The following FAM83B variants were observed in gnomAD, a reference collection of about 807,000 sequenced individuals.
FAM83B encodes scaffolding CK1 anchoring protein B.
FAM83B carries 26 observed loss-of-function variants against 38.8 expected under a neutral mutation model. The ratio of observed to expected loss-of-function variants is 0.67; its 90% CI spans 0.49 to 0.93. The LOEUF is 0.93. Among genes scored for constraint, FAM83B ranks in the 40% least tolerant of loss-of-function variants. The pLI, the probability that FAM83B is intolerant of heterozygous loss-of-function variation, is 0.00. For synonymous variants in FAM83B, 419 were observed against 423.1 expected (o/e 0.99, Z 0.12); for missense variants, 1,237 against 1,197.3 (o/e 1.03, Z -0.49).
chr6:54,869,394 G>T (rs6459030), intron 1 of FAM83B, among the ~76,000 whole-genome samples: 138,888 of 152,244 alleles, frequency 0.91, 63,593 homozygotes, highest in East Asian at 1. Context: ...CTTTGTGTCC[G>T]TCCATTCTTG....
At chr6:54,888,209 T>C (rs35620314) in intron 2 of FAM83B, among the ~76,000 whole-genome samples, 19,957 of 151,864 alleles carry the variant, frequency 0.13, 1,565 homozygotes, top group African/African-American at 0.22. Flanking sequence ...ATTCTACTAA[T>C]GCCTCTCTTG....
chr6:54,867,776 A>G (rs1019703216), intron 1 of FAM83B, among the ~76,000 whole-genome samples: 4 of 152,162 alleles, frequency 2.6e-5, no homozygotes, highest in African/African-American at 9.6e-5. Flanking sequence ...AATAGGTAGT[A>G]TTTTAAAAGT....
chr6:54,908,103 GA>G (rs1292415869), intron 2 of FAM83B, among the ~76,000 whole-genome samples: 1 of 148,984 alleles, frequency 6.7e-6, no homozygotes, highest in Admixed American at 6.7e-5. Context: ...TGACCAAATG[GA>G]GATTTCTGCC....
chr6:54,869,196 T>C (rs1190880114), intron 1 of FAM83B, among the ~76,000 whole-genome samples: 1 of 152,228 alleles, frequency 6.6e-6, no homozygotes, highest in Non-Finnish European at 1.5e-5. Context: ...ATGTCTTAAA[T>C]TTCATCTCGT....
intron 2 of FAM83B, among the ~76,000 whole-genome samples, chr6:54,903,403 G>T (rs1022424989): frequency 3.0e-4 from 45 of 152,098 alleles, no homozygotes; most frequent in African/African-American, 1.0e-3. Context: ...TAGGAAAATT[G>T]TCTGCATTTC....
rs780667730 is a variant in FAM83B, at chr6:54,940,782, T to C, written c.1811T>C (p.Leu604Ser). Residue 604 changes from leucine (L) to serine (S), a missense_variant, in exon 5 of 5, where the codon TTG (leucine) becomes TCG (serine). Transcript: ENST00000306858. ...CCAGAATCAATCCCCAAGCTCCCAT[T>C]GCAGTCAGAGGCACCAAAAATGCAC... is the stretch of plus-strand genomic sequence containing the variant. ...PLPESIPKLP[L>S]QSEAPKMHTL... 7.4e-6 allele frequency: 12 copies of C among 1,613,974 alleles called. No individual in the cohort carries two copies. The highest frequency in any genetic ancestry group is 5.0e-5 in the Admixed American group (3 of 59,956).
chr6:54,915,755 G>C (rs146706956), intron 2 of FAM83B, among the ~76,000 whole-genome samples: 1,922 of 87,386 alleles, frequency 0.022, 416 homozygotes, highest in African/African-American at 0.14. Context: ...GCAGTGAGCC[G>C]AGATTGCGCC....
At chr6:54,918,895 T>C (rs1235261359) in intron 2 of FAM83B, among the ~76,000 whole-genome samples, 1 of 152,112 alleles carries the variant, frequency 6.6e-6, no homozygotes, top group Non-Finnish European at 1.5e-5. Context: ...GCTTCCTCTT[T>C]TGCTTTGTAA....
intron 1 of FAM83B, among the ~76,000 whole-genome samples, chr6:54,857,800 C>T (rs775459074): frequency 6.6e-6 from 1 of 151,824 alleles, no homozygotes; most frequent in African/African-American, 2.4e-5. Flanking sequence ...CAGGGTACAA[C>T]GATTAAGTAT....
intron 2 of FAM83B, among the ~76,000 whole-genome samples, chr6:54,872,238 G>A (rs185205608): frequency 2.3e-4 from 35 of 152,252 alleles, no homozygotes; most frequent in Admixed American, 2.3e-3. Context: ...TTTATTGAAT[G>A]AATTGAACTG....
chr6:54,936,445 G>T (rs1202524508), intron 4 of FAM83B, among the ~76,000 whole-genome samples: 1 of 151,818 alleles, frequency 6.6e-6, no homozygotes, highest in Non-Finnish European at 1.5e-5. Flanking sequence ...TTACTTTTAA[G>T]TCTGTACTAC....
chr6:54,928,358 G>A (rs9475070), intron 4 of FAM83B, among the ~76,000 whole-genome samples: 1 of 152,096 alleles, frequency 6.6e-6, no homozygotes, highest in Non-Finnish European at 1.5e-5. Context: ...TGAGAAGGAG[G>A]TATCACATTG....
chr6:54,912,420 C>CA lies in FAM83B; in HGVS notation c.445-13939dup, dbSNP rs1309587736. The stretch of plus-strand genomic sequence containing the variant: ...AATTATGCTTCATAATTTCCCCAGC[C>CA]AAAAAAAAAAAACAACAAAAAAAGA... On this transcript the variant is annotated intron_variant, in intron 2 of 4. Transcript: ENST00000306858. Among the ~76,000 whole-genome samples, 830 of 100,974 alleles carry CA rather than the reference C, an allele frequency of 8.2e-3. 6 individuals are homozygous for CA. The highest frequency in any genetic ancestry group is 0.022 in the African/African-American group (604 of 26,940). The allele number at this position is 100,974 out of a possible 152,430, so 66.2% of individuals were successfully genotyped here.
intron 2 of FAM83B, among the ~76,000 whole-genome samples, chr6:54,916,928 C>T (rs754570903): frequency 2.6e-5 from 4 of 152,114 alleles, no homozygotes; most frequent in Non-Finnish European, 5.9e-5. Flanking sequence ...ACTTTGAATG[C>T]CAGTGCTTTC....
chr6:54,866,380 T>G lies in FAM83B; in HGVS notation c.-60-3807T>G, dbSNP rs1306537776. Among the ~76,000 whole-genome samples, 6 of 152,214 alleles carry G rather than the reference T, an allele frequency of 3.9e-5. No individual in the cohort carries two copies. The East Asian group carries it at 1.2e-3, about 29-fold the overall frequency. On this transcript the variant is annotated intron_variant, in intron 1 of 4. Transcript: ENST00000306858. ...CTGCTGTCTTGCAAAACTATAATAC[T>G]GTATCGTAACCAATATGCTGATATT...
At chr6:54,891,777 G>A (rs777934374) in intron 2 of FAM83B, among the ~76,000 whole-genome samples, 2 of 152,006 alleles carry the variant, frequency 1.3e-5, no homozygotes, top group Non-Finnish European at 2.9e-5. Flanking sequence ...CTCTCTCATT[G>A]TATACCTTCA....
intron 2 of FAM83B, among the ~76,000 whole-genome samples, chr6:54,879,749 G>A (rs1772081695): frequency 6.6e-6 from 1 of 152,154 alleles, no homozygotes; most frequent in Admixed American, 6.5e-5. Flanking sequence ...GTGATGTTGT[G>A]AAATCTGATT....
At chr6:54,925,332 T>G (rs1773263838) in intron 2 of FAM83B, among the ~76,000 whole-genome samples, 1 of 152,166 alleles carries the variant, frequency 6.6e-6, no homozygotes, top group Non-Finnish European at 1.5e-5. Context: ...TTATTATGTC[T>G]TCCCCCACTA....
intron 1 of FAM83B, among the ~76,000 whole-genome samples, chr6:54,853,879 A>T (rs1281663707): frequency 6.6e-6 from 1 of 152,236 alleles, no homozygotes; most frequent in Admixed American, 6.5e-5. Context: ...TAAATAGAAA[A>T]TCTGGAAAGA....
Sources: gnomAD v4.1 joint callset for allele counts (sites outside exome capture counted in the v4.1 genomes callset) on GRCh38, gnomAD v4.1.1 for gene constraint, MANE v1.5 for transcripts, NCBI Gene and HGNC (gene_info 2026-07-23, HGNC 2026-07-21) for gene names.